Variants in MYT1L observed in about 807,000 individuals in gnomAD.
The protein encoded by MYT1L is myelin transcription factor 1-like protein.
Under a neutral mutation model 126.7 loss-of-function variants are expected in MYT1L, and 12 were observed. That is an observed-to-expected ratio of 0.09 (90% CI 0.06 to 0.15). MYT1L has a LOEUF of 0.15. Ranked by LOEUF, MYT1L falls within the 10% of genes least tolerant of loss-of-function variation. The pLI is 1.00. For missense variants in MYT1L, 979 were observed against 1,585.2 expected, an observed-to-expected ratio of 0.62 and a Z score of 6.49; for synonymous variants, 541 against 604.2, an observed-to-expected ratio of 0.90 and a Z score of 1.53.
intron 3 of MYT1L, among the ~76,000 whole-genome samples, chr2:2,166,394 C>G (rs2089122001): frequency 6.6e-6 from 1 of 152,166 alleles, no homozygotes. Flanking sequence ...TGATACATCT[C>G]TATGTTAGCA....
At chr2:2,001,908 G>T (rs1231176284) in intron 4 of MYT1L, among the ~76,000 whole-genome samples, 2 of 152,064 alleles carry the variant, frequency 1.3e-5, no homozygotes, top group African/African-American at 2.4e-5. Context: ...GCTCAGAGGT[G>T]GGGGGGTCAC....
intron 2 of MYT1L, among the ~76,000 whole-genome samples, chr2:2,174,689 A>T (rs2090510046): frequency 6.6e-6 from 1 of 152,074 alleles, no homozygotes; most frequent in African/African-American, 2.4e-5. Context: ...GATTATACTA[A>T]GGCAACTAGC....
chr2:2,286,859 C>T (rs1302757521), intron 1 of MYT1L, among the ~76,000 whole-genome samples: 4 of 152,172 alleles, frequency 2.6e-5, no homozygotes, highest in East Asian at 1.9e-4. Flanking sequence ...CGCGAAATCA[C>T]GAAGGCAGGG....
At chr2:2,048,584 C>T (rs926093552) in intron 4 of MYT1L, among the ~76,000 whole-genome samples, 1 of 152,160 alleles carries the variant, frequency 6.6e-6, no homozygotes, top group African/African-American at 2.4e-5. Context: ...CTAACTACAG[C>T]AGGACTCTCA....
In MYT1L at chr2:2,320,223, C is replaced by T. The variant is rs578241993; in HGVS notation, c.-521+10744G>A. On this transcript the variant is annotated intron_variant, in intron 1 of 24. Coordinates refer to ENST00000647738, the MANE Select transcript of MYT1L (RefSeq NM_001303052.2). ...AGCACTGAGTGTCTTCCCAGAGTGA[C>T]GTGTAAAAGCCCCAGAGCCTCTGCC... Among the ~76,000 whole-genome samples, 60 of 152,050 alleles carry T rather than the reference C, an allele frequency of 3.9e-4. 1 individual carries two copies. The highest frequency in any genetic ancestry group is 3.1e-3 in the Admixed American group (47 of 15,256).
intron 19 of MYT1L, among the ~76,000 whole-genome samples, chr2:1,851,409 G>T (rs1219551400): frequency 6.6e-6 from 1 of 152,146 alleles, no homozygotes; most frequent in African/African-American, 2.4e-5. Flanking sequence ...GGGGCCACTT[G>T]CACTGCATGT....
Position 1,789,570 on chromosome 2 carries a change from G to T in MYT1L, c.*2297C>A, listed in dbSNP as rs533183035. 1 of 152,126 alleles carries T rather than the reference G, an allele frequency of 6.6e-6. No homozygotes were observed. 9.4% of individuals were successfully genotyped at this position (152,126 alleles called of 1,614,324 possible). A position where few individuals can be genotyped will look rare whatever the true frequency, so the allele number is the denominator to read the frequency against. On this transcript the variant is annotated 3_prime_UTR_variant, in exon 25 of 25. Transcript: ENST00000647738. Reference sequence around the variant, plus strand: ...TTTGTGCTTAAAATCCCTTTCCATTGTACATAGGTGATAACAATAAGAATC... The same window carrying T: ...TTTGTGCTTAAAATCCCTTTCCATTTTACATAGGTGATAACAATAAGAATC...
In MYT1L at chr2:1,809,125, T is replaced by C. The variant is rs2036182837; in HGVS notation, c.3123A>G (p.Ala1041=). The change falls in exon 22 of 25, where the codon GCA becomes GCG. Residue 1041 remains alanine, a synonymous_variant. Coordinates refer to ENST00000647738, the MANE Select transcript of MYT1L (RefSeq NM_001303052.2). ...TCAGCATCTGCTCTCCAGAAAGCTT[T>C]GCCTTCTTCATCGCTGACGTGGCTC... ...CPRATSAMKK[A]KLSGEQMLTI... is the part of the protein sequence containing the mutation. 1.9e-6 allele frequency: 3 copies of C among 1,613,902 alleles called. No individual in the cohort carries two copies. Among genetic ancestry groups the C allele is most frequent in the African/African-American group, 2.7e-5 (2 of 74,936 alleles).
At chr2:2,033,064 G>C (rs1417234499) in intron 4 of MYT1L, among the ~76,000 whole-genome samples, 3 of 119,804 alleles carry the variant, frequency 2.5e-5, no homozygotes, top group African/African-American at 3.3e-5. Context: ...CACACCCCTC[G>C]CCAGTGCCTC....
At chr2:2,009,421 T>G (rs575759779) in intron 4 of MYT1L, among the ~76,000 whole-genome samples, 4 of 152,340 alleles carry the variant, frequency 2.6e-5, no homozygotes, top group Middle Eastern at 3.4e-3. Flanking sequence ...ATCATTTACC[T>G]CCTTTGTTAA....
chr2:2,147,992 C>T (rs2085145129), intron 3 of MYT1L, among the ~76,000 whole-genome samples: 1 of 152,200 alleles, frequency 6.6e-6, no homozygotes, highest in African/African-American at 2.4e-5. Flanking sequence ...GTTCTAGGAG[C>T]CAGATAGAGA....
chr2:1,812,347 G>A (rs2036795600), intron 21 of MYT1L, among the ~76,000 whole-genome samples: 1 of 152,234 alleles, frequency 6.6e-6, no homozygotes, highest in African/African-American at 2.4e-5. Flanking sequence ...TATTCTTGAG[G>A]GCAAGGATTA....
chr2:1,881,727 T>A (rs981507400), intron 18 of MYT1L, among the ~76,000 whole-genome samples: 3 of 152,016 alleles, frequency 2.0e-5, no homozygotes, highest in Non-Finnish European at 4.4e-5. Context: ...TCAGCTCAGC[T>A]CCCTGTGCGG....
chr2:1,991,368 C>T (rs2061441931), intron 5 of MYT1L, among the ~76,000 whole-genome samples: 1 of 152,112 alleles, frequency 6.6e-6, no homozygotes, highest in Non-Finnish European at 1.5e-5. Context: ...ACGATCATGG[C>T]TCGCCGCAGC....
At chr2:1,892,739 C>T (rs1467038849) in intron 14 of MYT1L, among the ~76,000 whole-genome samples, 1 of 152,128 alleles carries the variant, frequency 6.6e-6, no homozygotes, top group Non-Finnish European at 1.5e-5. Context: ...CTCGTGAGCA[C>T]TTTTGGTGAC....
At chr2:1,985,819 T>C (rs2060970040) in intron 5 of MYT1L, among the ~76,000 whole-genome samples, 1 of 152,174 alleles carries the variant, frequency 6.6e-6, no homozygotes, top group African/African-American at 2.4e-5. Context: ...CAGAGCCAAC[T>C]TGTGAGAGTG....
chr2:1,944,560 G>A (rs932821624), intron 8 of MYT1L, among the ~76,000 whole-genome samples: 1 of 151,982 alleles, frequency 6.6e-6, no homozygotes. Context: ...TCTGCAGGGG[G>A]GCTCCTGCAC....
intron 4 of MYT1L, among the ~76,000 whole-genome samples, chr2:2,040,417 G>A (rs2067399977): frequency 6.6e-6 from 1 of 152,188 alleles, no homozygotes; most frequent in South Asian, 2.1e-4. Flanking sequence ...ACTCGATTCT[G>A]AGAATGTCTG....
At chr2:1,954,689 C>T (rs2058185874) in intron 8 of MYT1L, among the ~76,000 whole-genome samples, 1 of 151,950 alleles carries the variant, frequency 6.6e-6, no homozygotes, top group Non-Finnish European at 1.5e-5. Flanking sequence ...TTCCAGGGAC[C>T]CCTGAAGTTA....
Sources: gnomAD v4.1 joint callset for allele counts (sites outside exome capture counted in the v4.1 genomes callset) on GRCh38, gnomAD v4.1.1 for gene constraint, MANE v1.5 for transcripts, NCBI Gene and HGNC (gene_info 2026-07-23, HGNC 2026-07-21) for gene names.